The following BLTP2 variants were observed in gnomAD, a reference collection of about 807,000 sequenced individuals.
BLTP2 encodes bridge-like lipid transfer protein family member 2.
the BLTP2 span, chr17:28,639,693 G>A: frequency 3.9e-6 from 6 of 1,553,158 alleles, no homozygotes; most frequent in South Asian, 1.1e-5. Context: ...AGGGCAAGAG[G>A]TAAAACTGGG....
the BLTP2 span, chr17:28,639,100 CTG>C: frequency 1.7e-6 from 1 of 587,444 alleles, no homozygotes; most frequent in East Asian, 2.9e-5. Flanking sequence ...AAACACTACA[CTG>C]AGCACCGAGG....
the BLTP2 span, chr17:28,645,143 C>T: frequency 8.9e-7 from 1 of 1,124,364 alleles, no homozygotes. Flanking sequence ...CGCGGGCCGA[C>T]CAGCTGCGCG....
the BLTP2 span, chr17:28,616,668 T>C: frequency 6.2e-7 from 1 of 1,614,168 alleles, no homozygotes; most frequent in Non-Finnish European, 8.5e-7. This position sits in a 1 kb window ranked among gnomAD's most constrained non-coding sequence, Gnocchi z 4.8. Flanking sequence ...TTCATCATCT[T>C]CCACACTTCG....
At chr17:28,639,223 A>T in the BLTP2 span, 1 of 1,335,028 alleles carries the variant, frequency 7.5e-7, no homozygotes, top group Non-Finnish European at 1.1e-6. Context: ...TCAAACAACC[A>T]AATACATATT....
the BLTP2 span, chr17:28,645,072 G>A: frequency 2.5e-6 from 4 of 1,573,116 alleles, no homozygotes; most frequent in African/African-American, 4.1e-5. Context: ...TCCGGGTCCG[G>A]CCCGGCTTGG....
chr17:28,645,140 C>T, the BLTP2 span: 8 of 1,130,618 alleles, frequency 7.1e-6, no homozygotes, highest in African/African-American at 6.6e-5. Context: ...CGCCGCGGGC[C>T]GACCAGCTGC....
chr17:28,641,851 A>C, the BLTP2 span: 2 of 1,566,568 alleles, frequency 1.3e-6, no homozygotes, highest in East Asian at 4.5e-5. Flanking sequence ...AAACCCTGAG[A>C]ACAAGGCAGC....
At chr17:28,629,410 T>C in the BLTP2 span, among the ~76,000 whole-genome samples, 1 of 151,896 alleles carries the variant, frequency 6.6e-6, no homozygotes, top group African/African-American at 2.4e-5. Flanking sequence ...CATGCTTCAG[T>C]CTCCAAGTAC....
the BLTP2 span, among the ~76,000 whole-genome samples, chr17:28,622,872 T>C: frequency 2.0e-5 from 3 of 152,142 alleles, no homozygotes; most frequent in Admixed American, 2.0e-4. Context: ...GTCAGGAGCG[T>C]GAGACCAGCC....
the BLTP2 span, chr17:28,624,060 TTA>T: frequency 7.1e-7 from 1 of 1,407,278 alleles, no homozygotes; most frequent in Non-Finnish European, 9.8e-7. Context: ...TAATGCTGGC[TTA>T]CCAAGTAAAT....
the BLTP2 span, chr17:28,621,030 G>T: frequency 6.2e-7 from 1 of 1,614,158 alleles, no homozygotes; most frequent in Non-Finnish European, 8.5e-7. Flanking sequence ...TGGTTCTCAA[G>T]AACTTCAGGT....
the BLTP2 span, chr17:28,620,115 T>G: frequency 1.6e-5 from 18 of 1,110,960 alleles, no homozygotes; most frequent in Non-Finnish European, 2.3e-5. Flanking sequence ...GGGTCTCTTC[T>G]AGAAAGCTAA....
At chr17:28,626,864 G>A in the BLTP2 span, among the ~76,000 whole-genome samples, 1 of 152,210 alleles carries the variant, frequency 6.6e-6, no homozygotes, top group Non-Finnish European at 1.5e-5. Flanking sequence ...AGTCCTGTGA[G>A]CTGCTCTAGC....
At chr17:28,642,317 G>A in the BLTP2 span, 1 of 1,614,146 alleles carries the variant, frequency 6.2e-7, no homozygotes, top group Non-Finnish European at 8.5e-7. Flanking sequence ...TCTTACATAA[G>A]CTCACCTCAC....
the BLTP2 span, chr17:28,615,526 G>T: frequency 9.9e-7 from 1 of 1,014,420 alleles, no homozygotes; most frequent in Non-Finnish European, 1.5e-6. Context: ...GGAGAGGGTA[G>T]GCATAGAAGC....
chr17:28,640,082 T>C, the BLTP2 span: 2 of 1,589,528 alleles, frequency 1.3e-6, no homozygotes, highest in East Asian at 2.2e-5. Flanking sequence ...CTACTTCTTT[T>C]ACTTTTATTT....
At chr17:28,631,522 G>C in the BLTP2 span, 1 of 1,614,166 alleles carries the variant, frequency 6.2e-7, no homozygotes. Context: ...GGTGAGGGAG[G>C]ACAAGCTCAG....
chr17:28,635,537 C>A, the BLTP2 span: 1 of 1,614,048 alleles, frequency 6.2e-7, no homozygotes, highest in Non-Finnish European at 8.5e-7. Context: ...TGTAGAGTGG[C>A]CAGGACATGC....
At chr17:28,644,948 C>G in the BLTP2 span, 1 of 1,207,530 alleles carries the variant, frequency 8.3e-7, no homozygotes, top group Non-Finnish European at 1.1e-6. Context: ...CCCCTCCCTC[C>G]CGCCGCCGCC....
Sources: gnomAD v4.1 joint callset for allele counts (sites outside exome capture counted in the v4.1 genomes callset) on GRCh38, gnomAD v4.1.1 for gene constraint, Gnocchi (gnomAD v3.1) non-coding constraint, MANE v1.5 for transcripts, NCBI Gene and HGNC (gene_info 2026-07-23, HGNC 2026-07-21) for gene names.